CKMT2: variants seen among roughly 807,000 people sequenced by gnomAD.
CKMT2 encodes the protein creatine kinase, mitochondrial 2, also known as creatine kinase S-type, mitochondrial.
CKMT2 carries 43 observed loss-of-function variants against 48.9 expected under a neutral mutation model. The observed-to-expected ratio is 0.88, with a 90% CI of 0.69 to 1.13. CKMT2 has a LOEUF of 1.13. Among genes scored for constraint, CKMT2 ranks in the 50% most tolerant of loss-of-function variants. The pLI, the probability that CKMT2 is intolerant of heterozygous loss-of-function variation, is 0.00. For missense variants in CKMT2, 472 were observed against 555.4 expected, an observed-to-expected ratio of 0.85 and a Z score of 1.51; for synonymous variants, 206 against 213.0, an observed-to-expected ratio of 0.97 and a Z score of 0.29.
intron 1 of CKMT2, among the ~76,000 whole-genome samples, chr5:81,233,717 TTTAAAC>T (rs894728660): frequency 1.1e-4 from 17 of 152,306 alleles, no homozygotes; most frequent in Non-Finnish European, 1.3e-4. Context: ...TTGGGACAAC[TTTAAAC>T]TTAAAGTGTC....
Position 81,266,200 on chromosome 5 carries a change from T to A in CKMT2, c.1202T>A (p.Leu401Ter), listed in dbSNP as rs768573789. ...TACCTGGTGGATTGTGAAAAGAAGT[T>A]GGAGAGAGGCCAAGATATTAAGGTG... ...VNYLVDCEKK[L>*]ERGQDIKVPP... Residue 401 changes from leucine (L) to a stop codon, truncating the protein, a stop_gained, in exon 10 of 10, where the codon TTG becomes TAG. Coordinates refer to ENST00000254035, the MANE Select transcript of CKMT2 (RefSeq NM_001099735.2). LOFTEE classifies it high-confidence loss of function. 2 of 1,613,470 alleles carry A rather than the reference T, an allele frequency of 1.2e-6. No individual in the cohort carries two copies. Among genetic ancestry groups the A allele is most frequent in the South Asian group, 2.2e-5 (2 of 91,068 alleles).
At chr5:81,257,972 TCAAAG>T in intron 7 of CKMT2, 116 bp downstream of exon 7, 2 of 988,342 alleles carry the variant, frequency 2.0e-6, no homozygotes, top group East Asian at 5.5e-5. Flanking sequence ...TTTCTAGAAA[TCAAAG>T]CAACTGCCGC....
chr5:81,250,180 TTTC>T (rs1179834956), intron 1 of CKMT2, among the ~76,000 whole-genome samples: 1 of 152,228 alleles, frequency 6.6e-6, no homozygotes, highest in Non-Finnish European at 1.5e-5. Context: ...TTCTGAGTAA[TTTC>T]TTAAGCTATA....
At chr5:81,248,498 A>T (rs1312634329) in intron 1 of CKMT2, among the ~76,000 whole-genome samples, 6 of 152,220 alleles carry the variant, frequency 3.9e-5, no homozygotes, top group Non-Finnish European at 7.3e-5. Context: ...ACCAGGAAGC[A>T]CTGGTGCAGC....
At chr5:81,257,110 A>T in intron 6 of CKMT2, 110 bp downstream of exon 6, 1 of 767,366 alleles carries the variant, frequency 1.3e-6, no homozygotes. Context: ...GCATGCCCAG[A>T]CTGAGCTAAA....
At chr5:81,238,000 A>T (rs1217086351) in intron 1 of CKMT2, 1 of 152,132 alleles carries the variant, frequency 6.6e-6, no homozygotes, top group Non-Finnish European at 1.5e-5. Context: ...TCCATAGCAG[A>T]CTCACACATT....
intron 5 of CKMT2, among the ~76,000 whole-genome samples, chr5:81,256,546 T>G (rs1318845063): frequency 1.3e-5 from 2 of 152,202 alleles, no homozygotes; most frequent in Non-Finnish European, 2.9e-5. Context: ...CTTTTCAGGA[T>G]AGTATCCCTC....
intron 5 of CKMT2, among the ~76,000 whole-genome samples, chr5:81,255,651 G>A (rs902020309): frequency 2.0e-5 from 3 of 152,074 alleles, no homozygotes; most frequent in Non-Finnish European, 4.4e-5. Context: ...CCTGACTCTT[G>A]TGGAGCAAGC....
intron 1 of CKMT2, among the ~76,000 whole-genome samples, chr5:81,240,939 G>C (rs559373768): frequency 2.0e-5 from 3 of 152,188 alleles, no homozygotes; most frequent in Non-Finnish European, 4.4e-5. Flanking sequence ...TGAGGGAAAG[G>C]GATGCCTGAA....
intron 1 of CKMT2, chr5:81,238,771 A>C (rs1756334930): frequency 6.6e-6 from 1 of 152,272 alleles, no homozygotes; most frequent in Non-Finnish European, 1.5e-5. Flanking sequence ...GATAGCCCCG[A>C]AGATTTTTTA....
chr5:81,237,957 C>T (rs1224815978), intron 1 of CKMT2: 1 of 152,208 alleles, frequency 6.6e-6, no homozygotes, highest in Non-Finnish European at 1.5e-5. Context: ...GCTTCTCAAA[C>T]TATCTGTGGC....
chr5:81,266,040 A>G (rs770521591), intron 9 of CKMT2, 99 bp from the exon 10 acceptor site: 32 of 1,035,316 alleles, frequency 3.1e-5, no homozygotes, highest in Non-Finnish European at 4.4e-5. Context: ...AAGTCCATCT[A>G]AGTGGCAAGT....
chr5:81,239,973 A>T (rs987063120), intron 1 of CKMT2, among the ~76,000 whole-genome samples: 1 of 152,186 alleles, frequency 6.6e-6, no homozygotes, highest in Non-Finnish European at 1.5e-5. Flanking sequence ...AAAAGCTGCC[A>T]CATAGTAGGT....
chr5:81,251,193 A>G lies in CKMT2; in HGVS notation c.61A>G (p.Met21Val), dbSNP rs759605812. 3.1e-6 allele frequency: 5 copies of G among 1,613,970 alleles called. No homozygotes were observed. The East Asian group carries it at 8.9e-5, about 29-fold the overall frequency. Residue 21 changes from methionine to valine, a missense_variant, in exon 2 of 10, where the codon ATG (methionine) becomes GTG (valine). Met to Val is a conservative substitution (Grantham distance 21). Transcript: ENST00000254035. The part of the protein sequence containing the change: ...GRNASLLFAT[M>V]GTSVLTTGYL... ...CAATGCTTCTCTGCTGTTTGCTACC[A>G]TGGGCACCAGTGTCCTGACCACCGG...
chr5:81,256,373 T>C (rs1041537605), intron 5 of CKMT2, among the ~76,000 whole-genome samples: 1 of 152,148 alleles, frequency 6.6e-6, no homozygotes, highest in African/African-American at 2.4e-5. Flanking sequence ...TTTCATAGAG[T>C]TGTGAAGATT....
In CKMT2 at chr5:81,252,833, C is replaced by A; in HGVS notation, c.291C>A (p.Asn97Lys). 1 of 1,614,200 alleles carries A rather than the reference C, an allele frequency of 6.2e-7. No individual in the cohort carries two copies. The highest frequency in any genetic ancestry group is 8.5e-7 in the Non-Finnish European group (1 of 1,180,032). Reference sequence around the variant, plus strand: ...AGTGCATCCAGACTGGAGTGGACAACCCTGGCCACCCCTTCATAAAGACTG... The same window carrying A: ...AGTGCATCCAGACTGGAGTGGACAAACCTGGCCACCCCTTCATAAAGACTG... ...LDQCIQTGVD[N>K]PGHPFIKTVG... The change falls in exon 3 of 10, where the codon AAC (asparagine) becomes AAA (lysine). Residue 97 changes from asparagine to lysine, a missense_variant. Physicochemically the swap from Asn to Lys is moderately conservative, Grantham distance 94. Transcript: ENST00000254035.
intron 2 of CKMT2, 33 bp from the exon 3 acceptor site, chr5:81,252,662 G>T (rs1434855858): frequency 2.5e-6 from 4 of 1,610,406 alleles, no homozygotes; most frequent in Non-Finnish European, 3.4e-6. Flanking sequence ...CTCGGGGGCT[G>T]CTGGCTGACA....
chr5:81,262,186 T>A (rs1240074451), intron 8 of CKMT2, among the ~76,000 whole-genome samples: 2 of 151,942 alleles, frequency 1.3e-5, no homozygotes, highest in African/African-American at 2.4e-5. Flanking sequence ...ATACAAAAAG[T>A]AACTCAAGAT....
At chr5:81,257,656 C>CTAGG (rs148928292) in intron 6 of CKMT2, 77 bp from the exon 7 acceptor site, 34,194 of 1,340,320 alleles carry the variant, frequency 0.026, 1,050 homozygotes, top group East Asian at 0.15. Flanking sequence ...AGCAATCAAG[C>CTAGG]TAGGGAGGTA....
Sources: allele counts gnomAD v4.1 joint callset (sites outside exome capture counted in the v4.1 genomes callset), GRCh38; gene constraint gnomAD v4.1.1; transcripts MANE v1.5; gene names NCBI Gene and HGNC (gene_info 2026-07-23, HGNC 2026-07-21).